Variants in SRSF12 observed in about 807,000 individuals in gnomAD.
The protein encoded by SRSF12 is serine/arginine-rich splicing factor 12.
SRSF12 carries 21 observed loss-of-function variants against 34.1 expected under a neutral mutation model. The observed-to-expected ratio is 0.62, with a 90% CI of 0.44 to 0.89. The LOEUF (loss-of-function observed/expected upper bound fraction) is 0.89. SRSF12 is among the 40% of genes least tolerant of loss of function. The pLI is 0.00. For missense variants in SRSF12, 278 were observed against 327.8 expected (o/e 0.85, Z 1.17); for synonymous variants, 111 against 110.8 (o/e 1.00, Z -0.01).
intron 1 of SRSF12, among the ~76,000 whole-genome samples, chr6:89,108,290 T>C (rs1161841390): frequency 6.6e-6 from 1 of 152,226 alleles, no homozygotes; most frequent in Non-Finnish European, 1.5e-5. Context: ...TTAGCCAGTG[T>C]TCACCTTACA....
chr6:89,117,473 G>A (rs919649849), intron 1 of SRSF12, among the ~76,000 whole-genome samples: 1 of 152,214 alleles, frequency 6.6e-6, no homozygotes, highest in Non-Finnish European at 1.5e-5. Context: ...ACTCGCTGGA[G>A]CGCAAACCCT....
At position 89,095,992 on chromosome 6, in the gene SRSF12, A is replaced by C. The variant is rs1768277134; in HGVS notation, c.*2586T>G. On this transcript the variant is annotated 3_prime_UTR_variant, in exon 5 of 5. Coordinates refer to ENST00000452027, the MANE Select transcript of SRSF12 (RefSeq NM_080743.5). Reference sequence around the variant, plus strand: ...AAACGTTTGATTTATTAATAAACAAAGTATCTCTCTTAAATGGGCCAAGAA... The same window carrying C: ...AAACGTTTGATTTATTAATAAACAACGTATCTCTCTTAAATGGGCCAAGAA... 6.6e-6 allele frequency: 1 copy of C among 152,226 alleles called. No individual in the cohort carries two copies. Among genetic ancestry groups the C allele is most frequent in the African/African-American group, 2.4e-5 (1 of 41,462 alleles). 9.4% of individuals were successfully genotyped at this position (152,226 alleles called of 1,614,324 possible). A position where few individuals can be genotyped will look rare whatever the true frequency, so the allele number is the denominator to read the frequency against.
chr6:89,106,685 A>G (rs1055482021), intron 2 of SRSF12: 9 of 197,034 alleles, frequency 4.6e-5, no homozygotes, highest in Admixed American at 1.6e-4. Context: ...AATTACCTCA[A>G]TGTCACTTGA....
chr6:89,111,177 C>T (rs1582271570), intron 1 of SRSF12, among the ~76,000 whole-genome samples: 1 of 151,106 alleles, frequency 6.6e-6, no homozygotes, highest in African/African-American at 2.4e-5. Flanking sequence ...GGCACAATCT[C>T]GGGTCACTGC....
At position 89,098,845 on chromosome 6, in the gene SRSF12, A is replaced by G; in HGVS notation, c.519T>C (p.Asn173=). The G allele has an allele frequency of 6.2e-7, 1 of 1,613,894 alleles. No homozygotes were observed. The highest frequency in any genetic ancestry group is 8.5e-7 in the Non-Finnish European group (1 of 1,179,882). ...ACCTTGACCGTCCTCTAGAGCCAAA[A>G]TTCCTTCTTGGAGTTCTTGACTGCC... ...SARQSRTPRR[N]FGSRGRSRSK... Residue 173 remains asparagine (N), a synonymous_variant, in exon 5 of 5, where the codon AAT becomes AAC. Transcript: ENST00000452027.
chr6:89,112,559 C>T (rs1010332381), intron 1 of SRSF12, among the ~76,000 whole-genome samples: 2 of 149,158 alleles, frequency 1.3e-5, no homozygotes, highest in Non-Finnish European at 3.0e-5. Context: ...ACTACAGGCA[C>T]GCATCACCAT....
At chr6:89,104,870 T>C (rs1016986530) in intron 4 of SRSF12, among the ~76,000 whole-genome samples, 8 of 151,928 alleles carry the variant, frequency 5.3e-5, no homozygotes, top group South Asian at 2.1e-4. Flanking sequence ...CTGGGCAACA[T>C]AGCGAGACCT....
chr6:89,107,626 G>T (rs1768857577), intron 1 of SRSF12, among the ~76,000 whole-genome samples: 1 of 152,122 alleles, frequency 6.6e-6, no homozygotes. Flanking sequence ...AGCTACTCGG[G>T]AGGCTGAGGC....
chr6:89,107,637 G>A (rs1296339417), intron 1 of SRSF12, among the ~76,000 whole-genome samples: 3 of 152,054 alleles, frequency 2.0e-5, no homozygotes, highest in African/African-American at 7.2e-5. Context: ...AGGCTGAGGC[G>A]GGAGAATCAC....
chr6:89,098,618 T>A lies in SRSF12; in HGVS notation c.746A>T (p.His249Leu), dbSNP rs755486839. 4 of 1,613,662 alleles carry A rather than the reference T, an allele frequency of 2.5e-6. No homozygotes were observed. Among genetic ancestry groups the A allele is most frequent in the African/African-American group, 1.3e-5 (1 of 74,950 alleles). The change falls in exon 5 of 5, where the codon CAT becomes CTT. Residue 249 changes from histidine (H) to leucine (L), a missense_variant. Coordinates refer to ENST00000452027, the MANE Select transcript of SRSF12 (RefSeq NM_080743.5). The part of the protein sequence containing the change: ...QTAKHSHFRS[H>L]SRSRSYRHKN... ...ATGACGATAACTTCGAGATCTGGAA[T>A]GTGACCGAAAATGAGAATGCTTTGC...
intron 1 of SRSF12, among the ~76,000 whole-genome samples, chr6:89,111,334 A>C (rs2127995531): frequency 6.6e-6 from 1 of 152,310 alleles, no homozygotes; most frequent in African/African-American, 2.4e-5. Context: ...CCTCTTGAAA[A>C]TATGTTGTAG....
chr6:89,106,544 A>AT (rs1200155796), intron 2 of SRSF12: 1 of 157,968 alleles, frequency 6.3e-6, no homozygotes, highest in Non-Finnish European at 1.4e-5. Flanking sequence ...ATTATATAAT[A>AT]TTAAACCTAG....
chr6:89,099,460 ATATG>A (rs1308341865), intron 4 of SRSF12, among the ~76,000 whole-genome samples: 4 of 145,878 alleles, frequency 2.7e-5, no homozygotes, highest in Non-Finnish European at 6.0e-5. Flanking sequence ...ATGTGTGTAT[ATATG>A]TGTGTGTATA....
At chr6:89,104,426 C>T (rs571244590) in intron 4 of SRSF12, among the ~76,000 whole-genome samples, 11 of 151,568 alleles carry the variant, frequency 7.3e-5, no homozygotes, top group South Asian at 2.1e-4. Flanking sequence ...TTAGTAGAGG[C>T]GGGGTTTCAT....
At chr6:89,099,403 CATATATATATACATATATATATGTGTGT>C (rs1472870144) in intron 4 of SRSF12, among the ~76,000 whole-genome samples, 602 of 88,322 alleles carry the variant, frequency 6.8e-3, no homozygotes, top group Non-Finnish European at 0.011. Flanking sequence ...TCTCTCTCTC[CATATATATATACATATATATATGTGTGT>C]ATATATATAC....
intron 1 of SRSF12, among the ~76,000 whole-genome samples, chr6:89,111,118 T>G (rs1270560303): frequency 1.3e-5 from 2 of 151,768 alleles, no homozygotes. Context: ...TCTTTTTTTT[T>G]TTTTTTTGGA....
Position 89,112,451 on chromosome 6 carries a change from T to TC in SRSF12, c.66-5194_66-5193insG, listed in dbSNP as rs1450876908. Among the ~76,000 whole-genome samples, 3 of 149,886 alleles carry TC rather than the reference T, an allele frequency of 2.0e-5. No individual in the cohort carries two copies. In the East Asian group the frequency reaches 5.9e-4, roughly 29 times the overall value. On this transcript the variant is annotated intron_variant, in intron 1 of 4. Coordinates refer to ENST00000452027, the MANE Select transcript of SRSF12 (RefSeq NM_080743.5). ...TAGTCTCATTTTCTTTTCTTTCTTT[T>TC]TTTTTTTTTTTTGGAGACAGGGTCT...
chr6:89,098,300 G>T lies in SRSF12; in HGVS notation c.*278C>A. 3.5e-6 allele frequency: 1 copy of T among 285,946 alleles called. No individual in the cohort carries two copies. 17.7% of individuals were successfully genotyped at this position (285,946 alleles called of 1,614,324 possible). ...AGTAGAATTTTAAAAATTAGTTCCAGTTTACTCATTTCCCTTGAAAAGTAC... is the reference window on the plus strand; with the variant it reads ...AGTAGAATTTTAAAAATTAGTTCCATTTTACTCATTTCCCTTGAAAAGTAC... On this transcript the variant is annotated 3_prime_UTR_variant, in exon 5 of 5. Coordinates refer to ENST00000452027, the MANE Select transcript of SRSF12 (RefSeq NM_080743.5).
chr6:89,105,349 A>G, intron 3 of SRSF12, 78 bp downstream of exon 3: 1 of 1,562,394 alleles, frequency 6.4e-7, no homozygotes, highest in Non-Finnish European at 8.7e-7. Flanking sequence ...TTACTGAAAG[A>G]ATTTTAAATT....
Sources: gnomAD v4.1 joint callset for allele counts (sites outside exome capture counted in the v4.1 genomes callset) on GRCh38, gnomAD v4.1.1 for gene constraint, MANE v1.5 for transcripts, NCBI Gene and HGNC (gene_info 2026-07-23, HGNC 2026-07-21) for gene names.